Variants in TRAK2 observed in about 807,000 individuals in gnomAD.
The protein encoded by TRAK2 is trafficking kinesin protein 2, also known as trafficking kinesin-binding protein 2.
In TRAK2, 81 loss-of-function variants were observed where a neutral mutation model predicts 104.6. The ratio of observed to expected loss-of-function variants is 0.77; its 90% CI spans 0.65 to 0.93. TRAK2 has a LOEUF of 0.93. Ranked by LOEUF, TRAK2 falls within the 40% of genes least tolerant of loss-of-function variation. The pLI is 0.00. For missense variants in TRAK2, 1,002 were observed against 1,089.0 expected (o/e 0.92, Z 1.12); for synonymous variants, 406 against 394.4 (o/e 1.03, Z -0.35).
At chr2:201,431,288 C>T (rs577778767) in intron 1 of TRAK2, among the ~76,000 whole-genome samples, 4 of 152,284 alleles carry the variant, frequency 2.6e-5, no homozygotes, top group African/African-American at 9.6e-5. Context: ...AACAAATTAC[C>T]ACAAACTTAG....
intron 6 of TRAK2, 184 bp from the exon 7 acceptor site, chr2:201,397,764 T>C (rs1951515083): frequency 5.3e-6 from 3 of 567,226 alleles, no homozygotes; most frequent in Non-Finnish European, 9.4e-6. Context: ...CTTGCTTAAG[T>C]AGGACTTCCT....
intron 12 of TRAK2, 36 bp from the exon 13 acceptor site, chr2:201,388,037 G>A (rs746093372): frequency 2.5e-6 from 4 of 1,605,258 alleles, no homozygotes; most frequent in East Asian, 2.2e-5. Flanking sequence ...TAGATCTTGA[G>A]GATCATCAGC....
At position 201,387,906 on chromosome 2, in the gene TRAK2, C is replaced by T. The variant is rs764443786; in HGVS notation, c.1493G>A (p.Ser498Asn). Residue 498 changes from serine to asparagine, a missense_variant, in exon 13 of 16, where the codon AGT (serine) becomes AAT (asparagine). Coordinates refer to ENST00000332624, the MANE Select transcript of TRAK2 (RefSeq NM_015049.3). The part of the protein sequence containing the change: ...RLSLRRQNYL[S>N]EKQFFAEEWQ... Reference sequence around the variant, plus strand: ...TTCTTCAGCAAAGAACTGCTTCTCACTTAAATAGTTTTGTCGACGCAAGCT... The same window carrying T: ...TTCTTCAGCAAAGAACTGCTTCTCATTTAAATAGTTTTGTCGACGCAAGCT... The T allele has an allele frequency of 3.7e-6, 6 of 1,614,058 alleles. No individual in the cohort carries two copies. Among genetic ancestry groups the T allele is most frequent in the African/African-American group, 1.3e-5 (1 of 74,918 alleles).
intron 2 of TRAK2, chr2:201,413,178 C>T: frequency 6.6e-7 from 1 of 1,510,302 alleles, no homozygotes; most frequent in East Asian, 2.3e-5. Flanking sequence ...CCAAGCTAGC[C>T]CACTGCCACC....
chr2:201,430,445 G>C (rs559377245), intron 1 of TRAK2, among the ~76,000 whole-genome samples: 2 of 152,368 alleles, frequency 1.3e-5, no homozygotes, highest in South Asian at 4.1e-4. Context: ...TACAGAGGCA[G>C]GCAGGCCTGC....
At chr2:201,416,001 A>T (rs768236197) in intron 2 of TRAK2, among the ~76,000 whole-genome samples, 1 of 152,152 alleles carries the variant, frequency 6.6e-6, no homozygotes, top group Non-Finnish European at 1.5e-5. Context: ...GAAATTATTC[A>T]TTTCAAGATA....
chr2:201,446,499 A>G (rs1951965331), intron 1 of TRAK2, among the ~76,000 whole-genome samples: 1 of 152,208 alleles, frequency 6.6e-6, no homozygotes, highest in African/African-American at 2.4e-5. Context: ...TCCTCTGATA[A>G]ACTGCATGCC....
rs776498117 is a variant in TRAK2, at chr2:201,395,345, T to C, written c.869A>G (p.Gln290Arg). Residue 290 changes from glutamine to arginine, a missense_variant, in exon 8 of 16, where the codon CAG becomes CGG. Gln to Arg is a conservative substitution (Grantham distance 43). Transcript: ENST00000332624. The part of the protein sequence containing the change: ...YQEELSSLLS[Q>R]IVDLQHKLKE... ...AAGTTTGTGCTGAAGGTCTACAATC[T>C]GTGACAAAAGAGAGGAAAGCTCTTC... The C allele has an allele frequency of 3.7e-6, 6 of 1,606,688 alleles. No homozygotes were observed. The highest frequency in any genetic ancestry group is 2.2e-5 in the East Asian group (1 of 44,782).
intron 1 of TRAK2, among the ~76,000 whole-genome samples, chr2:201,444,665 A>G (rs1194529938): frequency 6.6e-6 from 1 of 151,656 alleles, no homozygotes; most frequent in African/African-American, 2.4e-5. Flanking sequence ...TAATATACAA[A>G]ATTATAATAT....
chr2:201,410,640 A>AC, intron 2 of TRAK2: 1 of 1,292,586 alleles, frequency 7.7e-7, no homozygotes, highest in Non-Finnish European at 1.1e-6. Flanking sequence ...AGAAAGGATT[A>AC]CCCTGCATAC....
intron 1 of TRAK2, among the ~76,000 whole-genome samples, chr2:201,442,048 G>C (rs1020145858): frequency 1.3e-5 from 2 of 151,444 alleles, no homozygotes; most frequent in African/African-American, 4.8e-5. Flanking sequence ...TACACCACTG[G>C]CCTGAATAAC....
chr2:201,432,402 C>T (rs1453201927), intron 1 of TRAK2, among the ~76,000 whole-genome samples: 1 of 152,198 alleles, frequency 6.6e-6, no homozygotes, highest in African/African-American at 2.4e-5. Flanking sequence ...CTTTATTCAA[C>T]CTTTTTAGGA....
chr2:201,396,810 G>T (rs1390133322), intron 7 of TRAK2, among the ~76,000 whole-genome samples: 3 of 152,156 alleles, frequency 2.0e-5, no homozygotes, highest in African/African-American at 7.2e-5. Context: ...GGGAAGTATG[G>T]AGTAGGATGG....
chr2:201,443,009 T>A (rs1192073734), intron 1 of TRAK2, among the ~76,000 whole-genome samples: 2 of 152,230 alleles, frequency 1.3e-5, no homozygotes, highest in Admixed American at 6.5e-5. Context: ...GCTCCATTAA[T>A]TATCCCTATC....
chr2:201,401,259 G>C (rs1184971267), intron 3 of TRAK2, among the ~76,000 whole-genome samples, 165 bp from the exon 4 acceptor site: 1 of 151,930 alleles, frequency 6.6e-6, no homozygotes, highest in African/African-American at 2.4e-5. Context: ...TCATGTATTA[G>C]ACACTCAAGA....
intron 3 of TRAK2, among the ~76,000 whole-genome samples, chr2:201,405,280 G>A (rs1313611326): frequency 6.6e-6 from 1 of 152,154 alleles, no homozygotes; most frequent in Admixed American, 6.5e-5. Flanking sequence ...TGAGGGCAGA[G>A]CCTGAGGAAA....
At chr2:201,392,846 T>C in intron 10 of TRAK2, 63 bp downstream of exon 10, 1 of 1,502,846 alleles carries the variant, frequency 6.7e-7, no homozygotes, top group Admixed American at 2.1e-5. Flanking sequence ...CCATCAAACT[T>C]TTAGGACAAA....
At chr2:201,433,310 T>A (rs1038379799) in intron 1 of TRAK2, among the ~76,000 whole-genome samples, 1 of 152,334 alleles carries the variant, frequency 6.6e-6, no homozygotes, top group South Asian at 2.1e-4. Context: ...ACTGGCTACA[T>A]TCAGCACAGC....
At chr2:201,393,465 G>T (rs1238599665) in intron 9 of TRAK2, among the ~76,000 whole-genome samples, 1 of 152,162 alleles carries the variant, frequency 6.6e-6, no homozygotes, top group African/African-American at 2.4e-5. Flanking sequence ...TATATACAAT[G>T]TCAGTGTGCT....
Sources: allele counts gnomAD v4.1 joint callset (sites outside exome capture counted in the v4.1 genomes callset), GRCh38; gene constraint gnomAD v4.1.1; transcripts MANE v1.5; gene names NCBI Gene and HGNC (gene_info 2026-07-23, HGNC 2026-07-21).